The following MARK1 variants were observed in gnomAD, a reference collection of about 807,000 sequenced individuals.
The protein encoded by MARK1 is serine/threonine-protein kinase MARK1.
A neutral mutation model predicts 96.3 loss-of-function variants in MARK1; 40 were observed. The ratio of observed to expected loss-of-function variants is 0.42; its 90% confidence interval spans 0.32 to 0.54. The LOEUF (loss-of-function observed/expected upper bound fraction) is 0.54, where lower values mean the gene tolerates loss of function less well. Among genes scored for constraint, MARK1 ranks in the 20% least tolerant of loss-of-function variants. The probability of loss-of-function intolerance (pLI) is 0.16; values close to 1 mark genes in which losing one functional copy is unlikely to be tolerated. For missense variants in MARK1, 719 were observed against 984.6 expected (o/e 0.73, Z 3.61); for synonymous variants, 317 against 341.2 (o/e 0.93, Z 0.78).
At chr1:220,561,711 A>T (rs1201447007) in intron 1 of MARK1, among the ~76,000 whole-genome samples, 2 of 152,214 alleles carry the variant, frequency 1.3e-5, no homozygotes, top group Non-Finnish European at 2.9e-5. Flanking sequence ...TAGTATAGAC[A>T]ATGGGTAATG....
chr1:220,547,676 T>C (rs1409819189), intron 1 of MARK1, among the ~76,000 whole-genome samples: 1 of 152,138 alleles, frequency 6.6e-6, no homozygotes, highest in Non-Finnish European at 1.5e-5. Context: ...ACCATTCTCC[T>C]GCCTCAGCCC....
chr1:220,640,348 G>A (rs1668199196), intron 13 of MARK1, among the ~76,000 whole-genome samples: 1 of 152,182 alleles, frequency 6.6e-6, no homozygotes, highest in Admixed American at 6.5e-5. Flanking sequence ...TTGCTTATAA[G>A]TATGATTCTA....
At chr1:220,573,963 C>T (rs1469484810) in intron 1 of MARK1, among the ~76,000 whole-genome samples, 2 of 151,990 alleles carry the variant, frequency 1.3e-5, no homozygotes, top group Non-Finnish European at 2.9e-5. Context: ...TCTTTCTGGC[C>T]ATATTTTCCT....
Position 220,618,432 on chromosome 1 carries a change from C to T in MARK1, c.675C>T (p.Pro225=), listed in dbSNP as rs775657431. Residue 225 remains proline, a synonymous_variant, in exon 8 of 18, where the codon CCC becomes CCT. Coordinates refer to ENST00000366917, the MANE Select transcript of MARK1 (RefSeq NM_018650.5). This position sits in a 1 kb window ranked among gnomAD's most constrained non-coding sequence, Gnocchi z 4.6. ...GTGGAAGCCCACCCTATGCTGCTCC[C>T]GAGCTTTTCCAAGGAAAGAAGTATG... ...TFCGSPPYAA[P]ELFQGKKYDG... 34 of 1,613,984 alleles carry T rather than the reference C, an allele frequency of 2.1e-5. No individual in the cohort carries two copies. Among genetic ancestry groups the T allele is most frequent in the Middle Eastern group, 1.6e-4 (1 of 6,084 alleles).
intron 1 of MARK1, among the ~76,000 whole-genome samples, chr1:220,539,408 A>G (rs1366956023): frequency 6.6e-6 from 1 of 152,140 alleles, no homozygotes; most frequent in South Asian, 2.1e-4. Context: ...CTTGCATCCC[A>G]GGGATGAAGC....
intron 9 of MARK1, chr1:220,626,278 G>A: frequency 1.9e-6 from 1 of 533,184 alleles, no homozygotes; most frequent in Non-Finnish European, 3.7e-6. Flanking sequence ...CCACGGCGAT[G>A]GGATGGAAGA....
Position 220,634,391 on chromosome 1 carries a change from C to T in MARK1, c.1123-985C>T, listed in dbSNP as rs10779413. Among the ~76,000 whole-genome samples, 5 of 151,956 alleles carry T rather than the reference C, an allele frequency of 3.3e-5. No homozygotes were observed. In the East Asian group the frequency reaches 9.7e-4, roughly 29 times the overall value. On this transcript the variant is annotated intron_variant, in intron 11 of 17. Coordinates refer to ENST00000366917, the MANE Select transcript of MARK1 (RefSeq NM_018650.5). ...CAGCTTCACTGGATCTAAGCACCCC[C>T]ACCCCTGCCCTACCCCAGCACAACC... is the stretch of plus-strand genomic sequence containing the variant.
At chr1:220,626,819 C>CAAAAA in intron 9 of MARK1, 2 of 261,146 alleles carry the variant, frequency 7.7e-6, no homozygotes, top group Non-Finnish European at 1.4e-5. Context: ...GACTCCATCT[C>CAAAAA]AAAAAAAAAA....
At chr1:220,532,232 A>G (rs1425749878) in intron 1 of MARK1, among the ~76,000 whole-genome samples, 1 of 152,218 alleles carries the variant, frequency 6.6e-6, no homozygotes, top group African/African-American at 2.4e-5. Context: ...GGTGATTATA[A>G]TGATTACCTA....
intron 1 of MARK1, among the ~76,000 whole-genome samples, chr1:220,537,211 T>C (rs921297312): frequency 6.8e-6 from 1 of 147,986 alleles, no homozygotes; most frequent in Non-Finnish European, 1.5e-5. Context: ...TAGCATTAGG[T>C]ATATCTCCTA....
intron 16 of MARK1, among the ~76,000 whole-genome samples, chr1:220,655,705 C>T (rs1669131938): frequency 1.3e-5 from 2 of 152,178 alleles, no homozygotes; most frequent in Non-Finnish European, 2.9e-5. Context: ...CTCCTAGTTT[C>T]TGTCCTTGTC....
At chr1:220,536,325 C>T (rs1362722037) in intron 1 of MARK1, among the ~76,000 whole-genome samples, 1 of 151,254 alleles carries the variant, frequency 6.6e-6, no homozygotes, top group Non-Finnish European at 1.5e-5. Flanking sequence ...CAAGAATGGG[C>T]ATCCTTGTCT....
chr1:220,607,518 T>A lies in MARK1; in HGVS notation c.495+3381T>A, dbSNP rs995751692. 5.9e-5 allele frequency among the ~76,000 whole-genome samples: 9 copies of A among 152,076 alleles called. No individual in the cohort carries two copies. In the South Asian group the frequency reaches 1.7e-3, roughly 28 times the overall value. On this transcript the variant is annotated intron_variant, in intron 6 of 17. Transcript: ENST00000366917. Reference sequence around the variant, plus strand: ...TTCCTAATTGAACACCCTTTATTTTTTTTTCTTGCCTGATTGCCCTGGCCA... The same window carrying A: ...TTCCTAATTGAACACCCTTTATTTTATTTTCTTGCCTGATTGCCCTGGCCA...
chr1:220,565,769 C>T (rs1663005111), intron 1 of MARK1, among the ~76,000 whole-genome samples: 1 of 152,102 alleles, frequency 6.6e-6, no homozygotes, highest in African/African-American at 2.4e-5. Context: ...TTTTCTCTCA[C>T]TTATTGTTTT....
At chr1:220,541,246 C>T (rs982615724) in intron 1 of MARK1, among the ~76,000 whole-genome samples, 5 of 152,038 alleles carry the variant, frequency 3.3e-5, no homozygotes, top group Admixed American at 2.6e-4. Flanking sequence ...TATTCTTTAA[C>T]GTAGGTGTTT....
intron 11 of MARK1, among the ~76,000 whole-genome samples, chr1:220,634,625 T>G (rs1249243648): frequency 6.6e-6 from 1 of 152,226 alleles, no homozygotes; most frequent in Non-Finnish European, 1.5e-5. Flanking sequence ...CATTAGCTGT[T>G]TATTATCATC....
chr1:220,528,210 C>T lies in MARK1; in HGVS notation c.-613C>T, dbSNP rs1660037132. The stretch of plus-strand genomic sequence containing the variant: ...TGCTCCGCGCGCAGCCGGCTCGGGC[C>T]GCTCCTCCTGACTGAGGCGCGGCGG... On this transcript the variant is annotated 5_prime_UTR_variant, in exon 1 of 18. Transcript: ENST00000366917. 6.6e-6 allele frequency: 1 copy of T among 150,414 alleles called. No homozygotes were observed. 9.3% of individuals were successfully genotyped at this position (150,414 alleles called of 1,614,324 possible). A position where few individuals can be genotyped will look rare whatever the true frequency, so the allele number is the denominator to read the frequency against.
chr1:220,641,127 CAAT>C (rs1319174520), intron 13 of MARK1, among the ~76,000 whole-genome samples: 1 of 152,108 alleles, frequency 6.6e-6, no homozygotes, highest in Non-Finnish European at 1.5e-5. Flanking sequence ...ATCAAGAAAA[CAAT>C]AAAACTTGTA....
rs1288278527 is a variant in MARK1 at position 220,662,159 on chromosome 1, A to G, written c.2381A>G (p.Lys794Arg). 4.4e-6 allele frequency: 7 copies of G among 1,606,462 alleles called. 1 individual carries two copies. The Middle Eastern group carries it at 9.9e-4, about 228-fold the overall frequency. ...NIASKIANEL[K>R]L ...GCATCAAAAATAGCAAATGAGCTTAAGCTGTAAAGAAGTCCAAATTTACAG... is the reference window on the plus strand; with the variant it reads ...GCATCAAAAATAGCAAATGAGCTTAGGCTGTAAAGAAGTCCAAATTTACAG... The change falls in exon 18 of 18, where the codon AAG becomes AGG. Residue 794 changes from lysine (K) to arginine (R), a missense_variant. Lys to Arg is a conservative substitution (Grantham distance 26, BLOSUM62 2). Coordinates refer to ENST00000366917, the MANE Select transcript of MARK1 (RefSeq NM_018650.5).
Sources: gnomAD v4.1 joint callset for allele counts (sites outside exome capture counted in the v4.1 genomes callset) on GRCh38, gnomAD v4.1.1 for gene constraint, Gnocchi (gnomAD v3.1) non-coding constraint, MANE v1.5 for transcripts, NCBI Gene and HGNC (gene_info 2026-07-23, HGNC 2026-07-21) for gene names.